Variants in TTLL5 observed in about 807,000 individuals in gnomAD.
TTLL5 encodes the protein tubulin polyglutamylase TTLL5.
Under a neutral mutation model 168.4 loss-of-function variants are expected in TTLL5, and 132 were observed. The ratio of observed to expected loss-of-function variants is 0.78; its 90% CI spans 0.68 to 0.91. TTLL5 has a LOEUF of 0.91. Ranked by LOEUF, TTLL5 falls within the 40% of genes least tolerant of loss-of-function variation. TTLL5 has a pLI of 0.00. For missense variants in TTLL5, 1,545 were observed against 1,581.5 expected, an observed-to-expected ratio of 0.98 and a Z score of 0.39; for synonymous variants, 546 against 558.6, an observed-to-expected ratio of 0.98 and a Z score of 0.32.
At chr14:75,741,368 G>A (rs1889255619) in intron 15 of TTLL5, among the ~76,000 whole-genome samples, 2 of 152,102 alleles carry the variant, frequency 1.3e-5, no homozygotes, top group African/African-American at 4.8e-5. Flanking sequence ...CTTCCTTAGT[G>A]CATTCAGTCA....
chr14:75,781,376 A>G (rs1892039882), intron 24 of TTLL5, among the ~76,000 whole-genome samples: 1 of 152,218 alleles, frequency 6.6e-6, no homozygotes, highest in Admixed American at 6.5e-5. Context: ...CATTTCAAAC[A>G]TGAACAAACA....
At chr14:75,759,887 T>A (rs993809435) in intron 18 of TTLL5, among the ~76,000 whole-genome samples, 1 of 152,108 alleles carries the variant, frequency 6.6e-6, no homozygotes, top group African/African-American at 2.4e-5. Context: ...AGGCCTTATA[T>A]GAAAAACCTC....
At chr14:75,725,883 GCATTTTCTTTT>G (rs893861870) in intron 12 of TTLL5, among the ~76,000 whole-genome samples, 1 of 152,148 alleles carries the variant, frequency 6.6e-6, no homozygotes, top group African/African-American at 2.4e-5. Flanking sequence ...TTGGCTGTGG[GCATTTTCTTTT>G]CATTTTCTTG....
At chr14:75,786,572 A>G (rs1892376396) in intron 26 of TTLL5, among the ~76,000 whole-genome samples, 1 of 152,236 alleles carries the variant, frequency 6.6e-6, no homozygotes, top group South Asian at 2.1e-4. Flanking sequence ...GGACAAAAAT[A>G]TATAATTGAC....
intron 28 of TTLL5, among the ~76,000 whole-genome samples, chr14:75,837,816 C>CAT (rs945969365): frequency 2.6e-5 from 4 of 151,960 alleles, no homozygotes; most frequent in African/African-American, 4.8e-5. Context: ...TTTCATTAAA[C>CAT]ATATATATAT....
At chr14:75,858,421 A>G (rs781352339) in intron 28 of TTLL5, among the ~76,000 whole-genome samples, 3 of 152,206 alleles carry the variant, frequency 2.0e-5, no homozygotes, top group Non-Finnish European at 2.9e-5. Context: ...TGGAGTGTAT[A>G]TCTTTTTAAT....
At chr14:75,721,846 G>T (rs777933809) in intron 12 of TTLL5, among the ~76,000 whole-genome samples, 1 of 152,162 alleles carries the variant, frequency 6.6e-6, no homozygotes, top group Non-Finnish European at 1.5e-5. Context: ...ATATTTGAGG[G>T]TCAGTAAACA....
chr14:75,879,625 GTAA>G, intron 29 of TTLL5, among the ~76,000 whole-genome samples: 1 of 152,226 alleles, frequency 6.6e-6, no homozygotes, highest in Non-Finnish European at 1.5e-5. Context: ...TAAAGGTGAA[GTAA>G]TTTTAACTGC....
At chr14:75,932,288 A>C (rs2034301643) in intron 31 of TTLL5, among the ~76,000 whole-genome samples, 1 of 152,186 alleles carries the variant, frequency 6.6e-6, no homozygotes, top group Non-Finnish European at 1.5e-5. Flanking sequence ...GGAACCAAAA[A>C]ACAGGCCTAG....
intron 28 of TTLL5, chr14:75,847,779 A>G (rs191197876): frequency 6.6e-6 from 1 of 152,198 alleles, no homozygotes; most frequent in East Asian, 1.9e-4. Flanking sequence ...GTGTGTCACA[A>G]TCACCTGACA....
intron 29 of TTLL5, among the ~76,000 whole-genome samples, chr14:75,872,200 A>G (rs758511810): frequency 8.5e-5 from 13 of 152,158 alleles, no homozygotes; most frequent in African/African-American, 2.7e-4. Context: ...GCTTACAGAC[A>G]ATAATTTTTT....
chr14:75,919,178 C>T (rs534715735), intron 31 of TTLL5, among the ~76,000 whole-genome samples: 47 of 120,952 alleles, frequency 3.9e-4, no homozygotes, highest in African/African-American at 1.4e-3. Context: ...TCCAGCCTGG[C>T]TCCAGAGCAA....
At position 75,882,724 on chromosome 14, in the gene TTLL5, T is replaced by C. The variant is rs771218524; in HGVS notation, c.3562T>C (p.Trp1188Arg). Residue 1188 changes from tryptophan (W) to arginine (R), a missense_variant, in exon 30 of 32, where the codon TGG becomes CGG. Trp to Arg is a moderately radical substitution (Grantham distance 101). Coordinates refer to ENST00000298832, the MANE Select transcript of TTLL5 (RefSeq NM_015072.5). ...CCAGACACTACCTAACTCCAATTTA[T>C]GGACAATGAATAATGGTGCAGGTTG... ...GSQTLPNSNL[W>R]TMNNGAGCRI... The C allele has an allele frequency of 1.1e-5, 18 of 1,613,926 alleles. 2 individuals carry two copies. The highest frequency in any genetic ancestry group is 3.3e-4 in the Middle Eastern group (2 of 6,054).
chr14:75,892,610 C>T (rs745671974), intron 30 of TTLL5, among the ~76,000 whole-genome samples: 18 of 152,090 alleles, frequency 1.2e-4, no homozygotes, highest in Admixed American at 4.6e-4. Flanking sequence ...TCCTGCAAAG[C>T]GCAGAACAGT....
intron 6 of TTLL5, 65 bp downstream of exon 6, chr14:75,690,387 A>G (rs1566815666): frequency 6.5e-7 from 1 of 1,527,746 alleles, no homozygotes; most frequent in Admixed American, 2.4e-5. Flanking sequence ...TTACCCCAAA[A>G]GCCTCCTCAA....
chr14:75,934,895 G>A (rs1451881825), intron 31 of TTLL5, among the ~76,000 whole-genome samples: 1 of 152,210 alleles, frequency 6.6e-6, no homozygotes, highest in Non-Finnish European at 1.5e-5. Context: ...TACCCAAAGA[G>A]CTTTTAAGAA....
chr14:75,913,886 C>A (rs923830550), intron 31 of TTLL5, among the ~76,000 whole-genome samples: 1 of 151,106 alleles, frequency 6.6e-6, no homozygotes, highest in Non-Finnish European at 1.5e-5. Flanking sequence ...TGGTGGCACA[C>A]GTCTTTAGCA....
chr14:75,882,811 C>T lies in TTLL5; in HGVS notation c.3649C>T (p.Pro1217Ser), dbSNP rs1213031184. The T allele has an allele frequency of 6.2e-7, 1 of 1,614,094 alleles. No individual in the cohort carries two copies. The change falls in exon 30 of 32, where the codon CCA becomes TCA. Residue 1217 changes from proline to serine, a missense_variant. By Grantham distance (74) the Pro-to-Ser change is moderately conservative. Coordinates refer to ENST00000298832, the MANE Select transcript of TTLL5 (RefSeq NM_015072.5). ...KPTTLPQKVV[P>S]PPSSCASLVP... ...AACCACTCTGCCACAAAAAGTGGTACCACCTCCAAGTTCTTGCGCCTCCCT... is the reference window on the plus strand; with the variant it reads ...AACCACTCTGCCACAAAAAGTGGTATCACCTCCAAGTTCTTGCGCCTCCCT...
At chr14:75,750,441 C>T (rs555856401) in intron 17 of TTLL5, among the ~76,000 whole-genome samples, 1 of 151,022 alleles carries the variant, frequency 6.6e-6, no homozygotes, top group Admixed American at 6.6e-5. Context: ...CATGGATTCT[C>T]TTCTACCTCT....
Sources: allele counts gnomAD v4.1 joint callset (sites outside exome capture counted in the v4.1 genomes callset), GRCh38; gene constraint gnomAD v4.1.1; transcripts MANE v1.5; gene names NCBI Gene and HGNC (gene_info 2026-07-23, HGNC 2026-07-21).